The following NTM variants were observed in gnomAD, a reference collection of about 807,000 sequenced individuals.
NTM encodes IgLON family member 2.
NTM carries 13 observed loss-of-function variants against 42.1 expected under a neutral mutation model. That is an observed-to-expected ratio of 0.31 (90% CI 0.20 to 0.49). The LOEUF is 0.49. NTM is among the 20% of genes least tolerant of loss of function. NTM has a pLI of 0.99. For missense variants in NTM, 373 were observed against 452.8 expected, an observed-to-expected ratio of 0.82 and a Z score of 1.60; for synonymous variants, 187 against 179.2, an observed-to-expected ratio of 1.04 and a Z score of -0.35.
intron 2 of NTM, among the ~76,000 whole-genome samples, chr11:131,994,498 C>A (rs1159182506): frequency 1.3e-5 from 2 of 152,122 alleles, no homozygotes; most frequent in African/African-American, 4.8e-5. Context: ...CATGCTGGGA[C>A]AAAAACAAGT....
chr11:132,183,891 C>G (rs1211253791), intron 3 of NTM, among the ~76,000 whole-genome samples: 1 of 151,846 alleles, frequency 6.6e-6, no homozygotes, highest in African/African-American at 2.4e-5. Flanking sequence ...GGCTCTTTGT[C>G]TTAATGGTGA....
At chr11:132,061,363 T>G (rs2080647588) in intron 2 of NTM, among the ~76,000 whole-genome samples, 1 of 152,236 alleles carries the variant, frequency 6.6e-6, no homozygotes, top group African/African-American at 2.4e-5. Flanking sequence ...ATGTTTAGCA[T>G]CTTTCATATT....
At chr11:132,105,400 G>T (rs1038491442) in intron 2 of NTM, among the ~76,000 whole-genome samples, 5 of 152,012 alleles carry the variant, frequency 3.3e-5, no homozygotes, top group Non-Finnish European at 7.4e-5. Context: ...AGAAAAGAGA[G>T]CTATTAAAAT....
intron 1 of NTM, among the ~76,000 whole-genome samples, chr11:131,743,101 G>A (rs2081380890): frequency 6.6e-6 from 1 of 152,130 alleles, no homozygotes; most frequent in Non-Finnish European, 1.5e-5. Flanking sequence ...CTCTCATAAT[G>A]TATGCCATTG....
At chr11:132,094,408 G>A (rs894368170) in intron 2 of NTM, among the ~76,000 whole-genome samples, 1 of 152,098 alleles carries the variant, frequency 6.6e-6, no homozygotes, top group Non-Finnish European at 1.5e-5. Flanking sequence ...TACCCCTCAG[G>A]GAGCACTTGC....
chr11:131,405,088 G>C (rs781061952), intron 1 of NTM, among the ~76,000 whole-genome samples: 1 of 152,142 alleles, frequency 6.6e-6, no homozygotes, highest in African/African-American at 2.4e-5. Context: ...CACATGAAAG[G>C]TTGTCTGTTA....
intron 1 of NTM, among the ~76,000 whole-genome samples, chr11:131,576,605 T>A (rs950150359): frequency 2.6e-5 from 4 of 152,146 alleles, no homozygotes; most frequent in Non-Finnish European, 5.9e-5. Flanking sequence ...CATGTAAACA[T>A]AAGAAAATGC....
At chr11:131,828,211 C>T (rs973709277) in intron 1 of NTM, among the ~76,000 whole-genome samples, 9 of 152,088 alleles carry the variant, frequency 5.9e-5, no homozygotes, top group Non-Finnish European at 8.8e-5. Context: ...CAACCCTGTG[C>T]GTAGCAAGTA....
At chr11:131,490,644 C>T (rs1329498578) in intron 1 of NTM, among the ~76,000 whole-genome samples, 1 of 152,196 alleles carries the variant, frequency 6.6e-6, no homozygotes, top group African/African-American at 2.4e-5. Flanking sequence ...GTCACTTGAA[C>T]TGTCTGCTTG....
chr11:131,598,268 AC>A (rs1170884234), intron 1 of NTM, among the ~76,000 whole-genome samples: 1 of 152,180 alleles, frequency 6.6e-6, no homozygotes, highest in Non-Finnish European at 1.5e-5. Flanking sequence ...AATTTCAGAA[AC>A]TTTTCCAGAA....
chr11:131,777,912 C>T (rs2087339389), intron 1 of NTM, among the ~76,000 whole-genome samples: 1 of 152,070 alleles, frequency 6.6e-6, no homozygotes, highest in Non-Finnish European at 1.5e-5. Context: ...ATGTTTGACC[C>T]AATTATGCTT....
intron 1 of NTM, chr11:131,385,314 T>C (rs1449525029): frequency 6.6e-6 from 1 of 152,136 alleles, no homozygotes; most frequent in Non-Finnish European, 1.5e-5. Context: ...CTCTAGTCCA[T>C]AGGGTACACA....
At position 131,942,622 on chromosome 11, in the gene NTM, G is replaced by C. The variant is rs1436206035; in HGVS notation, c.167+30974G>C. Among the ~76,000 whole-genome samples the C allele has an allele frequency of 2.2e-4, 33 of 152,230 alleles. 1 individual carries two copies. Among genetic ancestry groups the C allele is most frequent in the Non-Finnish European group, 1.9e-4 (13 of 68,012 alleles). On this transcript the variant is annotated intron_variant, in intron 2 of 8. Transcript: ENST00000683400. ...TGGATCCAGGAAGATGATGCAGAAG[G>C]GGGGCCATTTGTCTCAGCTCTTCAA...
intron 1 of NTM, among the ~76,000 whole-genome samples, chr11:131,693,553 T>A (rs2075054700): frequency 6.6e-6 from 1 of 152,098 alleles, no homozygotes; most frequent in Non-Finnish European, 1.5e-5. Context: ...GCTGCAGGAT[T>A]ATCTATTACC....
chr11:131,756,120 CT>C (rs2135749440), intron 1 of NTM, among the ~76,000 whole-genome samples: 1 of 152,286 alleles, frequency 6.6e-6, no homozygotes, highest in East Asian at 1.9e-4. Context: ...ATACCCCACA[CT>C]CTCATTGGTG....
At chr11:132,280,320 A>G (rs2093919972) in intron 4 of NTM, among the ~76,000 whole-genome samples, 1 of 152,122 alleles carries the variant, frequency 6.6e-6, no homozygotes, top group South Asian at 2.1e-4. Context: ...ATAGTAATGT[A>G]ACATGGTGAA....
chr11:131,415,005 T>C (rs1031774462), intron 1 of NTM, among the ~76,000 whole-genome samples: 1 of 152,194 alleles, frequency 6.6e-6, no homozygotes, highest in Non-Finnish European at 1.5e-5. Context: ...ACAATTGTGA[T>C]GACGCTGGTG....
At chr11:131,753,035 A>C (rs549951482) in intron 1 of NTM, among the ~76,000 whole-genome samples, 1 of 127,546 alleles carries the variant, frequency 7.8e-6, no homozygotes, top group Non-Finnish European at 1.7e-5. Context: ...AGCACAAACA[A>C]ATTTACAAGA....
chr11:131,524,965 C>T (rs11821264), intron 1 of NTM, among the ~76,000 whole-genome samples: 3 of 152,182 alleles, frequency 2.0e-5, no homozygotes, highest in East Asian at 1.9e-4. Flanking sequence ...ACACATGCAC[C>T]TGCACACAGG....
Sources: allele counts gnomAD v4.1 joint callset (sites outside exome capture counted in the v4.1 genomes callset), GRCh38; gene constraint gnomAD v4.1.1; transcripts MANE v1.5; gene names NCBI Gene and HGNC (gene_info 2026-07-23, HGNC 2026-07-21).